Variants in GNA11 observed in about 807,000 individuals in gnomAD.
GNA11 encodes guanine nucleotide-binding protein subunit alpha-11.
Under a neutral mutation model 38.2 loss-of-function variants are expected in GNA11, and 8 were observed. That is an observed-to-expected ratio of 0.21 (90% confidence interval 0.12 to 0.38). The LOEUF (loss-of-function observed/expected upper bound fraction) is 0.38. Ranked by LOEUF, GNA11 falls within the 10% of genes least tolerant of loss-of-function variation. The probability of loss-of-function intolerance (pLI) is 1.00; values close to 1 mark genes in which losing one functional copy is unlikely to be tolerated. For synonymous variants in GNA11, 211 were observed against 221.4 expected (o/e 0.95, Z 0.42); for missense variants, 268 against 516.3 (o/e 0.52, Z 4.66).
chr19:3,122,109 G>C lies in GNA11; in HGVS notation c.*930G>C, dbSNP rs952886863. ...CCCACGTGGGCTGGGCGGCTGGAGG[G>C]ATGGTCCCCCGGTGACACTGGGAGA... On this transcript the variant is annotated 3_prime_UTR_variant, in exon 7 of 7. Transcript: ENST00000078429. The surrounding 1 kb of genome is among the most constrained non-coding windows in gnomAD (Gnocchi z 7.7). 1 of 233,272 alleles carries C rather than the reference G, an allele frequency of 4.3e-6. No homozygotes were observed. The allele number at this position is 233,272 out of a possible 1,614,324, so 14.5% of individuals were successfully genotyped here.
Position 3,119,936 on chromosome 19 carries a change from G to A in GNA11, c.889+577G>A, listed in dbSNP as rs1419632797. ...TGTGTCAGGGCAGCTGAGCACTGAG[G>A]GTCTTCACATGCCCAGCCCTCTCTG... On this transcript the variant is annotated intron_variant, in intron 6 of 6. Coordinates refer to ENST00000078429, the MANE Select transcript of GNA11 (RefSeq NM_002067.5). The surrounding 1 kb of genome is among the most constrained non-coding windows in gnomAD (Gnocchi z 4.6). Among the ~76,000 whole-genome samples the A allele has an allele frequency of 6.6e-6, 1 of 152,024 alleles. No individual in the cohort carries two copies. Among genetic ancestry groups the A allele is most frequent in the Admixed American group, 6.5e-5 (1 of 15,276 alleles).
Position 3,123,213 on chromosome 19 carries a change from C to T in GNA11, c.*2034C>T, listed in dbSNP as rs754078270. On this transcript the variant is annotated 3_prime_UTR_variant, in exon 7 of 7. Transcript: ENST00000078429. ...CCTGGCCGTGGCCTGAGGGTGGAGT[C>T]GCCCAGCACGCAGGCCGGGGCGCTG... is the stretch of plus-strand genomic sequence containing the variant. 1.4e-4 allele frequency: 32 copies of T among 233,224 alleles called. No individual in the cohort carries two copies. Among genetic ancestry groups the T allele is most frequent in the Non-Finnish European group, 2.1e-4 (25 of 118,108 alleles). The allele number at this position is 233,224 out of a possible 1,614,324, so 14.4% of individuals were successfully genotyped here.
At chr19:3,100,456 C>G (rs991891538) in intron 1 of GNA11, among the ~76,000 whole-genome samples, 1 of 152,218 alleles carries the variant, frequency 6.6e-6, no homozygotes. Context: ...GTGCAGGTCT[C>G]AGAGATGCTT....
rs1037116832 is a variant in GNA11, at chr19:3,123,523, C to G, written c.*2344C>G. On this transcript the variant is annotated 3_prime_UTR_variant, in exon 7 of 7. Coordinates refer to ENST00000078429, the MANE Select transcript of GNA11 (RefSeq NM_002067.5). ...GGGCATGTGGGGTGTGTGTTTTTACCTTGGTGAATCTCACCTGCCAACGAT... is the reference window on the plus strand; with the variant it reads ...GGGCATGTGGGGTGTGTGTTTTTACGTTGGTGAATCTCACCTGCCAACGAT... 1.3e-5 allele frequency: 3 copies of G among 233,166 alleles called. No homozygotes were observed. Among genetic ancestry groups the G allele is most frequent in the Non-Finnish European group, 2.5e-5 (3 of 118,036 alleles). The allele number at this position is 233,166 out of a possible 1,614,324, so 14.4% of individuals were successfully genotyped here.
intron 1 of GNA11, among the ~76,000 whole-genome samples, chr19:3,109,497 G>A (rs571300549): frequency 1.3e-5 from 2 of 152,224 alleles, no homozygotes; most frequent in Non-Finnish European, 2.9e-5. Context: ...CGTGGCAGGC[G>A]TGGAGACGTA....
At chr19:3,106,974 C>T (rs771323532) in intron 1 of GNA11, among the ~76,000 whole-genome samples, 3 of 152,178 alleles carry the variant, frequency 2.0e-5, no homozygotes, top group Non-Finnish European at 1.5e-5. Flanking sequence ...CGGTGGCTCA[C>T]GCCTGTAATC....
intron 1 of GNA11, among the ~76,000 whole-genome samples, chr19:3,109,465 G>T (rs972433412): frequency 6.6e-6 from 1 of 152,238 alleles, no homozygotes; most frequent in East Asian, 1.9e-4. Flanking sequence ...GTCTCTGGAA[G>T]CATTGTGGGT....
rs753396616 is a variant in GNA11 at position 3,110,901 on chromosome 19, T to A, written c.321+568T>A. Among the ~76,000 whole-genome samples, 1 of 152,098 alleles carries A rather than the reference T, an allele frequency of 6.6e-6. No homozygotes were observed. The highest frequency in any genetic ancestry group is 1.5e-5 in the Non-Finnish European group (1 of 68,016). On this transcript the variant is annotated intron_variant, in intron 2 of 6. Coordinates refer to ENST00000078429, the MANE Select transcript of GNA11 (RefSeq NM_002067.5). The surrounding 1 kb of genome is among the most constrained non-coding windows in gnomAD (Gnocchi z 5.4). ...ACAGCCTGGACCTTCTGGGCTCAGGTGATCCCACCACAGCCTCCCGGGTAG... is the reference window on the plus strand; with the variant it reads ...ACAGCCTGGACCTTCTGGGCTCAGGAGATCCCACCACAGCCTCCCGGGTAG...
At position 3,122,136 on chromosome 19, in the gene GNA11, AG is replaced by A. The variant is rs1162937446; in HGVS notation, c.*959del. 2 of 233,258 alleles carry A rather than the reference AG, an allele frequency of 8.6e-6. No homozygotes were observed. The highest frequency in any genetic ancestry group is 1.7e-5 in the Non-Finnish European group (2 of 117,740). The allele number at this position is 233,258 out of a possible 1,614,324, so 14.4% of individuals were successfully genotyped here. ...TGGTCCCCCGGTGACACTGGGAGAA[AG>A]GCCACTTGGATGGGGGCGTTTCTGT... On this transcript the variant is annotated 3_prime_UTR_variant, in exon 7 of 7. Transcript: ENST00000078429. The surrounding 1 kb of genome is among the most constrained non-coding windows in gnomAD (Gnocchi z 7.7).
intron 1 of GNA11, among the ~76,000 whole-genome samples, chr19:3,095,185 C>G (rs1411407025): frequency 3.3e-5 from 5 of 152,142 alleles, no homozygotes; most frequent in Non-Finnish European, 5.9e-5. Flanking sequence ...GCACCTGGGA[C>G]TCTCCGGTGT....
At chr19:3,106,027 T>G (rs1335533386) in intron 1 of GNA11, among the ~76,000 whole-genome samples, 1 of 152,082 alleles carries the variant, frequency 6.6e-6, no homozygotes, top group Non-Finnish European at 1.5e-5. Context: ...GGGCAGCTGT[T>G]GAAGATTTTG....
At chr19:3,099,408 C>T (rs1913449157) in intron 1 of GNA11, among the ~76,000 whole-genome samples, 1 of 152,186 alleles carries the variant, frequency 6.6e-6, no homozygotes, top group Non-Finnish European at 1.5e-5. Flanking sequence ...GGAAGGCCCA[C>T]GTGCAGGGTC....
chr19:3,096,664 G>GC (rs1374973515), intron 1 of GNA11, among the ~76,000 whole-genome samples: 2 of 152,248 alleles, frequency 1.3e-5, no homozygotes, highest in Non-Finnish European at 2.9e-5. Context: ...CCCGCCTGTG[G>GC]CCCGGGGGTG....
rs1450982351 is a variant in GNA11, at chr19:3,122,292, G to C, written c.*1113G>C. The C allele has an allele frequency of 4.3e-6, 1 of 232,618 alleles. No homozygotes were observed. The highest frequency in any genetic ancestry group is 8.5e-6 in the Non-Finnish European group (1 of 117,630). The allele number at this position is 232,618 out of a possible 1,614,324, so 14.4% of individuals were successfully genotyped here. ...GGCCGGCAGCTCTGTGCGTGGCCTT[G>C]TCCCAAGCACTTGCGCCCGCCCCCG... is the stretch of plus-strand genomic sequence containing the variant. On this transcript the variant is annotated 3_prime_UTR_variant, in exon 7 of 7. Coordinates refer to ENST00000078429, the MANE Select transcript of GNA11 (RefSeq NM_002067.5). This position sits in a 1 kb window ranked among gnomAD's most constrained non-coding sequence, Gnocchi z 7.7.
intron 4 of GNA11, chr19:3,118,713 C>T (rs1434015033): frequency 5.6e-6 from 3 of 537,968 alleles, no homozygotes; most frequent in Non-Finnish European, 9.9e-6. Flanking sequence ...GGCCCCTTTG[C>T]CAGTGAGGGA....
intron 1 of GNA11, among the ~76,000 whole-genome samples, chr19:3,102,496 G>T (rs936210186): frequency 1.3e-5 from 2 of 152,198 alleles, no homozygotes. Flanking sequence ...CTGCCTGAGG[G>T]TGCGTGCTGG....
At chr19:3,104,998 G>A (rs2145310628) in intron 1 of GNA11, among the ~76,000 whole-genome samples, 1 of 151,792 alleles carries the variant, frequency 6.6e-6, no homozygotes, top group East Asian at 1.9e-4. Context: ...CTCCTGGGAG[G>A]CTGAGCTCAC....
In GNA11 at chr19:3,119,346, C is replaced by A. The variant is rs756612392; in HGVS notation, c.876C>A (p.Phe292Leu). Residue 292 changes from phenylalanine (F) to leucine (L), a missense_variant, in exon 6 of 7, where the codon TTC becomes TTA. By Grantham distance (22) the Phe-to-Leu change is conservative. This residue lies in a region of GNA11 where 92 missense variants were observed against 166.7 expected (regional missense o/e 0.55). Transcript: ENST00000078429. This position sits in a 1 kb window ranked among gnomAD's most constrained non-coding sequence, Gnocchi z 4.6. ...KILYSHLVDY[F>L]PEFDGPQRDA... The stretch of plus-strand genomic sequence containing the variant: ...TGTACTCGCACCTGGTGGACTACTT[C>A]CCCGAGTTCGATGGTGCGCCGGGCT... 1.2e-6 allele frequency: 2 copies of A among 1,613,672 alleles called. No individual in the cohort carries two copies. The highest frequency in any genetic ancestry group is 1.1e-5 in the South Asian group (1 of 91,070).
At chr19:3,101,033 T>G (rs886066449) in intron 1 of GNA11, among the ~76,000 whole-genome samples, 2 of 152,148 alleles carry the variant, frequency 1.3e-5, no homozygotes, top group African/African-American at 2.4e-5. Context: ...GGCCCAGGTT[T>G]CTGTCCCTGT....
Sources: allele counts gnomAD v4.1 joint callset (sites outside exome capture counted in the v4.1 genomes callset), GRCh38; gene constraint gnomAD v4.1.1; regional missense constraint gnomAD v4.1.1; non-coding constraint Gnocchi (gnomAD v3.1); transcripts MANE v1.5; gene names NCBI Gene and HGNC (gene_info 2026-07-23, HGNC 2026-07-21).